GRAMD4: variants seen among roughly 807,000 people sequenced by gnomAD.
GRAMD4 encodes GRAM domain containing 4.
Under a neutral mutation model 83.9 loss-of-function variants are expected in GRAMD4, and 25 were observed. That is an observed-to-expected ratio of 0.30 (90% CI 0.22 to 0.42). The LOEUF (loss-of-function observed/expected upper bound fraction) is 0.42. Ranked by LOEUF, GRAMD4 falls within the 10% of genes least tolerant of loss-of-function variation. The probability of loss-of-function intolerance (pLI) is 1.00; values close to 1 mark genes in which losing one functional copy is unlikely to be tolerated. For missense variants in GRAMD4, 593 were observed against 788.7 expected, an observed-to-expected ratio of 0.75 and a Z score of 2.97; for synonymous variants, 336 against 320.9, an observed-to-expected ratio of 1.05 and a Z score of -0.50.
intron 1 of GRAMD4, among the ~76,000 whole-genome samples, chr22:46,610,595 T>C (rs1307875118): frequency 1.3e-5 from 2 of 152,196 alleles, no homozygotes; most frequent in Non-Finnish European, 2.9e-5. Flanking sequence ...ATTGCAGTCT[T>C]TGATGCAGAA....
At chr22:46,653,807 G>C (rs1021741334) in intron 3 of GRAMD4, among the ~76,000 whole-genome samples, 6 of 152,168 alleles carry the variant, frequency 3.9e-5, no homozygotes, top group Non-Finnish European at 7.4e-5. Context: ...GAGTTAACCT[G>C]GGAAAGTACC....
chr22:46,645,452 C>G (rs1397471527), intron 3 of GRAMD4, among the ~76,000 whole-genome samples: 2 of 152,142 alleles, frequency 1.3e-5, no homozygotes, highest in Non-Finnish European at 2.9e-5. Context: ...GAGTCAGGAC[C>G]CAGTTCTAAT....
At chr22:46,626,687 TG>T in intron 1 of GRAMD4, 63 bp from the exon 2 acceptor site, 1 of 1,042,274 alleles carries the variant, frequency 9.6e-7, no homozygotes, top group Non-Finnish European at 1.4e-6. Flanking sequence ...GCCCTGTGTG[TG>T]GGAGCTGGCT....
At chr22:46,630,094 G>A (rs181313464) in intron 2 of GRAMD4, among the ~76,000 whole-genome samples, 23 of 150,858 alleles carry the variant, frequency 1.5e-4, no homozygotes, top group African/African-American at 2.4e-4. Context: ...GTGTGATCTC[G>A]GCTCACTGCA....
At chr22:46,629,113 G>T (rs964908445) in intron 2 of GRAMD4, among the ~76,000 whole-genome samples, 1 of 152,080 alleles carries the variant, frequency 6.6e-6, no homozygotes, top group East Asian at 1.9e-4. Flanking sequence ...CCACCTCAGG[G>T]ACTCGGACGT....
In GRAMD4 at chr22:46,678,412, G is replaced by GC. The variant is rs1315634246; in HGVS notation, c.*1165dup. 1 of 984,798 alleles carries GC rather than the reference G, an allele frequency of 1.0e-6. No homozygotes were observed. Among genetic ancestry groups the GC allele is most frequent in the Admixed American group, 6.1e-5 (1 of 16,270 alleles). 61.0% of individuals were successfully genotyped at this position (984,798 alleles called of 1,614,324 possible). A position where few individuals can be genotyped will look rare whatever the true frequency, so the allele number is the denominator to read the frequency against. ...CACAGACCCCCCCAGCCCCCGCCCTGCCCCAGGGAAGCCTGGGCTTCCCGG... is the reference window on the plus strand; with the variant it reads ...CACAGACCCCCCCAGCCCCCGCCCTGCCCCCAGGGAAGCCTGGGCTTCCCGG... On this transcript the variant is annotated 3_prime_UTR_variant, in exon 19 of 19. Coordinates refer to ENST00000406902, the MANE Select transcript of GRAMD4 (RefSeq NM_015124.5).
At chr22:46,609,220 G>C (rs963731810) in intron 1 of GRAMD4, among the ~76,000 whole-genome samples, 2 of 152,124 alleles carry the variant, frequency 1.3e-5, no homozygotes, top group Non-Finnish European at 2.9e-5. Flanking sequence ...GCTGGTTGCT[G>C]TCTGGGCCGG....
At chr22:46,577,517 C>G (rs2081055156) in intron 1 of GRAMD4, among the ~76,000 whole-genome samples, 1 of 151,112 alleles carries the variant, frequency 6.6e-6, no homozygotes, top group South Asian at 2.1e-4. Flanking sequence ...CGGGCACCTG[C>G]GGCCGCAGGT....
chr22:46,623,727 C>T (rs554316792), intron 1 of GRAMD4, among the ~76,000 whole-genome samples: 10 of 151,572 alleles, frequency 6.6e-5, no homozygotes, highest in East Asian at 1.9e-4. Context: ...TGAAGGTTTT[C>T]GCGTATTAGG....
At position 46,668,888 on chromosome 22, in the gene GRAMD4, G is replaced by T; in HGVS notation, c.1064G>T (p.Arg355Leu). 2 of 1,604,832 alleles carry T rather than the reference G, an allele frequency of 1.2e-6. No individual in the cohort carries two copies. The highest frequency in any genetic ancestry group is 1.7e-6 in the Non-Finnish European group (2 of 1,172,846). Residue 355 changes from arginine to leucine, a missense_variant, in exon 13 of 19, where the codon CGC becomes CTC. This residue lies in a region of GRAMD4 where 171 missense variants were observed against 199.6 expected (regional missense o/e 0.86). Transcript: ENST00000406902. ...AFLASCFFPY[R>L]LVGLAVGLYA... ...CTGGCCTCCTGCTTCTTCCCCTACC[G>T]CCTGGTGGGGCTTGCCGTGGGTAAG...
At chr22:46,590,728 C>T (rs185047534) in intron 1 of GRAMD4, among the ~76,000 whole-genome samples, 1 of 152,322 alleles carries the variant, frequency 6.6e-6, no homozygotes, top group East Asian at 1.9e-4. Context: ...ACAGTGTTGT[C>T]TGAGGACAGC....
At chr22:46,665,744 C>A in intron 9 of GRAMD4, 38 bp downstream of exon 9, 2 of 1,053,124 alleles carry the variant, frequency 1.9e-6, no homozygotes, top group Non-Finnish European at 3.0e-6. Context: ...TTTATCCCAC[C>A]GCATGTATGG....
intron 1 of GRAMD4, among the ~76,000 whole-genome samples, chr22:46,614,067 C>T (rs536935626): frequency 2.6e-5 from 4 of 152,180 alleles, no homozygotes; most frequent in African/African-American, 7.2e-5. Flanking sequence ...GTGAGTTGGC[C>T]GTTAATAAAA....
chr22:46,669,579 CTT>C (rs748596128), intron 13 of GRAMD4, among the ~76,000 whole-genome samples: 17 of 141,888 alleles, frequency 1.2e-4, no homozygotes, highest in Non-Finnish European at 1.3e-4. Flanking sequence ...CTCTCTCTCT[CTT>C]TTTTTTTTTT....
chr22:46,598,460 G>C (rs1251375527), intron 1 of GRAMD4, among the ~76,000 whole-genome samples: 1 of 152,120 alleles, frequency 6.6e-6, no homozygotes, highest in African/African-American at 2.4e-5. Flanking sequence ...TGAGCAAGCT[G>C]TAAGACCTTG....
chr22:46,616,795 G>C (rs2081504467), upstream of GRAMD4, among the ~76,000 whole-genome samples: 1 of 136,218 alleles, frequency 7.3e-6, no homozygotes, highest in Non-Finnish European at 1.6e-5. Flanking sequence ...CCTGTGTGTA[G>C]GTTCCCCTGT....
intron 5 of GRAMD4, among the ~76,000 whole-genome samples, chr22:46,662,252 C>T (rs1002126016): frequency 1.3e-5 from 2 of 152,190 alleles, no homozygotes; most frequent in Admixed American, 1.3e-4. Flanking sequence ...GACCTCAGCC[C>T]CCTTGGCCTG....
intron 11 of GRAMD4, 35 bp downstream of exon 11, chr22:46,668,202 C>T (rs760892343): frequency 7.4e-5 from 110 of 1,490,134 alleles, no homozygotes; most frequent in Non-Finnish European, 9.6e-5. Context: ...GGTGTGTCTG[C>T]GCCAGCCATG....
chr22:46,662,891 A>G, intron 5 of GRAMD4, 149 bp from the exon 6 acceptor site: 1 of 681,298 alleles, frequency 1.5e-6, no homozygotes, highest in Non-Finnish European at 2.4e-6. Flanking sequence ...GGGACCCTTC[A>G]TTTCCCTGAC....
Sources: gnomAD v4.1 joint callset for allele counts (sites outside exome capture counted in the v4.1 genomes callset) on GRCh38, gnomAD v4.1.1 for gene constraint, gnomAD v4.1.1 regional missense constraint, MANE v1.5 for transcripts, NCBI Gene and HGNC (gene_info 2026-07-23, HGNC 2026-07-21) for gene names.